The following TBCE variants were observed in gnomAD, a reference collection of about 807,000 sequenced individuals.
TBCE encodes tubulin-specific chaperone E.
TBCE carries 53 observed loss-of-function variants against 77.0 expected under a neutral mutation model. The ratio of observed to expected loss-of-function variants is 0.69; its 90% confidence interval spans 0.55 to 0.87. TBCE has a LOEUF of 0.87. Among genes scored for constraint, TBCE ranks in the 40% least tolerant of loss-of-function variants. The pLI is 0.00. For synonymous variants in TBCE, 235 were observed against 241.3 expected (o/e 0.97, Z 0.24); for missense variants, 624 against 622.4 (o/e 1.00, Z -0.03).
Position 235,448,415 on chromosome 1 carries a change from T to A in TBCE, c.1466T>A (p.Leu489His). The A allele has an allele frequency of 6.2e-7, 1 of 1,614,128 alleles. No individual in the cohort carries two copies. Among genetic ancestry groups the A allele is most frequent in the Non-Finnish European group, 8.5e-7 (1 of 1,180,020 alleles). Residue 489 changes from leucine (L) to histidine (H), a missense_variant, in exon 16 of 17, where the codon CTT becomes CAT. Physicochemically the swap from Leu to His is moderately conservative, Grantham distance 99 (BLOSUM62 -3). Transcript: ENST00000642610. ...CTTCTCAAAGTTCCTGTGTCAGACC[T>A]TCTGTTGTCCTATGAAAGTCCCAAA... ...SRLLKVPVSD[L>H]LLSYESPKKP...
At chr1:235,413,005 GT>G (rs1269912717) in intron 3 of TBCE, among the ~76,000 whole-genome samples, 1 of 151,978 alleles carries the variant, frequency 6.6e-6, no homozygotes, top group Non-Finnish European at 1.5e-5. Flanking sequence ...GTTTCTTCAT[GT>G]TGGTCAGGCT....
chr1:235,432,917 T>A lies in TBCE; in HGVS notation c.661-1287T>A, dbSNP rs868537875. The A allele has an allele frequency of 2.6e-5, 17 of 648,508 alleles. No homozygotes were observed. The African/African-American group carries it at 3.4e-4, about 13-fold the overall frequency. 40.2% of individuals were successfully genotyped at this position (648,508 alleles called of 1,614,324 possible). A position where few individuals can be genotyped will look rare whatever the true frequency, so the allele number is the denominator to read the frequency against. On this transcript the variant is annotated intron_variant, in intron 7 of 16. Transcript: ENST00000642610. Reference sequence around the variant, plus strand: ...TATAATATATAATAATTTTTTGTAATTTTTTTTTTTGTAAAAAAAAAAAAT... The same window carrying A: ...TATAATATATAATAATTTTTTGTAAATTTTTTTTTTGTAAAAAAAAAAAAT...
Position 235,436,741 on chromosome 1 carries a change from C to T in TBCE, c.963+133C>T, listed in dbSNP as rs199538420. ...AGAGAAATACCTCCTCAGAGTGAAA[C>T]TCCTCATAAGAAGCCAAAAATATTA... On this transcript the variant is annotated intron_variant, in intron 11 of 16. Coordinates refer to ENST00000642610, the MANE Select transcript of TBCE (RefSeq NM_003193.5). 4.7e-3 allele frequency: 4,217 copies of T among 906,018 alleles called. 215 individuals carry two copies. The East Asian group carries it at 0.094, about 20-fold the overall frequency. The allele number at this position is 906,018 out of a possible 1,614,324, so 56.1% of individuals were successfully genotyped here.
chr1:235,391,934 T>G (rs1334298163), intron 2 of TBCE, among the ~76,000 whole-genome samples: 1 of 152,048 alleles, frequency 6.6e-6, no homozygotes, highest in African/African-American at 2.4e-5. Flanking sequence ...TTAAGCATTT[T>G]AAATTATATA....
intron 3 of TBCE, chr1:235,414,098 C>T: frequency 3.1e-6 from 1 of 325,140 alleles, no homozygotes; most frequent in South Asian, 2.6e-5. Context: ...TCAGGTGGTC[C>T]TCCTGCCTTG....
At chr1:235,398,125 A>G (rs1266572293) in intron 2 of TBCE, among the ~76,000 whole-genome samples, 1 of 147,970 alleles carries the variant, frequency 6.8e-6, no homozygotes. Flanking sequence ...TTCTATGATG[A>G]TAACATTTAC....
At chr1:235,417,718 C>T (rs1281569749) in intron 4 of TBCE, among the ~76,000 whole-genome samples, 1 of 152,074 alleles carries the variant, frequency 6.6e-6, no homozygotes, top group African/African-American at 2.4e-5. Flanking sequence ...GACCCTCTAA[C>T]CTTGAATTCT....
At chr1:235,398,197 G>A (rs1361029111) in intron 2 of TBCE, among the ~76,000 whole-genome samples, 3 of 148,816 alleles carry the variant, frequency 2.0e-5, no homozygotes, top group Admixed American at 6.7e-5. Context: ...CCAGGTTGGA[G>A]TACAATGGTG....
chr1:235,417,698 G>A (rs969984115), intron 4 of TBCE, among the ~76,000 whole-genome samples: 6 of 152,188 alleles, frequency 3.9e-5, no homozygotes, highest in Non-Finnish European at 2.9e-5. Flanking sequence ...TGTGGCCTGA[G>A]AAAGTTTGGG....
In TBCE at chr1:235,441,821, T is replaced by G; in HGVS notation, c.1278T>G (p.Gly426=). 6.2e-7 allele frequency: 1 copy of G among 1,613,986 alleles called. No individual in the cohort carries two copies. The highest frequency in any genetic ancestry group is 8.5e-7 in the Non-Finnish European group (1 of 1,179,946). The change falls in exon 14 of 17, where the codon GGT becomes GGG. Residue 426 remains glycine, a synonymous_variant. Transcript: ENST00000642610. ...PRYQFLCLKY[G]APEDWELKTQ... The stretch of plus-strand genomic sequence containing the variant: ...TTTTGCTTTCTTAAACAGAATATGG[T>G]GCACCTGAAGATTGGGAACTCAAAA...
chr1:235,376,662 G>C (rs1162492282), intron 1 of TBCE, among the ~76,000 whole-genome samples: 1 of 152,016 alleles, frequency 6.6e-6, no homozygotes, highest in African/African-American at 2.4e-5. Context: ...GGTCTGACCC[G>C]TATGTTGATC....
Position 235,448,776 on chromosome 1 carries a change from A to AAAT in TBCE, c.*15_*17dup. ...GTGCGATGGTGACAACCAACTAATA[A>AAAT]AATTTAAAGACCACACTGCTTATCG... On this transcript the variant is annotated 3_prime_UTR_variant, in exon 17 of 17. Transcript: ENST00000642610. The AAAT allele has an allele frequency of 6.4e-7, 1 of 1,557,826 alleles. No individual in the cohort carries two copies. The highest frequency in any genetic ancestry group is 8.9e-7 in the Non-Finnish European group (1 of 1,129,238).
intron 2 of TBCE, among the ~76,000 whole-genome samples, chr1:235,384,376 G>A (rs1199164909): frequency 2.9e-4 from 42 of 146,566 alleles, no homozygotes; most frequent in Admixed American, 6.9e-4. Context: ...GATTGGAATA[G>A]TTTCAGAAGG....
At chr1:235,434,406 T>G in intron 8 of TBCE, 126 bp downstream of exon 8, 1 of 819,740 alleles carries the variant, frequency 1.2e-6, no homozygotes, top group Non-Finnish European at 2.1e-6. Flanking sequence ...GAAAAATGCT[T>G]ATTATTCATT....
intron 4 of TBCE, among the ~76,000 whole-genome samples, chr1:235,416,791 A>G (rs1057394515): frequency 6.6e-6 from 1 of 152,192 alleles, no homozygotes; most frequent in African/African-American, 2.4e-5. Context: ...GTAATCTCAT[A>G]TGTTGGCTGG....
In TBCE at chr1:235,382,740, G is replaced by A. The variant is rs879281501; in HGVS notation, c.100+2591G>A. Among the ~76,000 whole-genome samples, 1,061 of 146,990 alleles carry A rather than the reference G, an allele frequency of 7.2e-3. 31 individuals carry two copies. The highest frequency in any genetic ancestry group is 0.062 in the Admixed American group (895 of 14,442). ...GCCCTTTGTCAGATGAGTAGGTTGC[G>A]AAAATTTTCTCCCATTTTGTAGGTT... On this transcript the variant is annotated intron_variant, in intron 2 of 16. Transcript: ENST00000642610.
chr1:235,390,463 G>T (rs950754242), intron 2 of TBCE, among the ~76,000 whole-genome samples: 3 of 152,038 alleles, frequency 2.0e-5, no homozygotes, highest in Non-Finnish European at 4.4e-5. Context: ...ATTAGAAGTA[G>T]AAGCTAGGCT....
chr1:235,426,196 A>G (rs926071189), intron 5 of TBCE, among the ~76,000 whole-genome samples: 1 of 152,040 alleles, frequency 6.6e-6, no homozygotes, highest in African/African-American at 2.4e-5. Flanking sequence ...CCCCTTCCTG[A>G]TGGTGCTGCA....
intron 1 of TBCE, 94 bp from the exon 2 acceptor site, chr1:235,379,925 G>C: frequency 1.4e-6 from 1 of 727,310 alleles, no homozygotes; most frequent in Admixed American, 2.3e-5. Flanking sequence ...TCCAGCCTGG[G>C]CGACAGAGCA....
Sources: gnomAD v4.1 joint callset for allele counts (sites outside exome capture counted in the v4.1 genomes callset) on GRCh38, gnomAD v4.1.1 for gene constraint, MANE v1.5 for transcripts, NCBI Gene and HGNC (gene_info 2026-07-23, HGNC 2026-07-21) for gene names.